Variants in GRM8 observed in about 807,000 individuals in gnomAD.
The protein encoded by GRM8 is glutamate metabotropic receptor 8.
A neutral mutation model predicts 87.2 loss-of-function variants in GRM8; 47 were observed. That is an observed-to-expected ratio of 0.54 (90% CI 0.43 to 0.69). GRM8 has a LOEUF of 0.69. Among genes scored for constraint, GRM8 ranks in the 30% least tolerant of loss-of-function variants. GRM8 has a pLI of 0.00. For missense variants in GRM8, 1,019 were observed against 1,139.2 expected (o/e 0.89, Z 1.52); for synonymous variants, 396 against 404.5 (o/e 0.98, Z 0.25).
At chr7:126,801,539 A>AT (rs1822691671) in intron 6 of GRM8, among the ~76,000 whole-genome samples, 1 of 59,368 alleles carries the variant, frequency 1.7e-5, no homozygotes, top group African/African-American at 4.6e-5. Flanking sequence ...GGGCACCAAA[A>AT]TAGTATTACT....
intron 8 of GRM8, among the ~76,000 whole-genome samples, chr7:126,553,336 T>C (rs948017147): frequency 5.3e-5 from 8 of 152,206 alleles, no homozygotes; most frequent in African/African-American, 1.9e-4. Context: ...ATAATTTCAT[T>C]ACCATGTAAC....
intron 2 of GRM8, among the ~76,000 whole-genome samples, chr7:127,231,293 G>A (rs2116808355): frequency 6.6e-6 from 1 of 152,228 alleles, no homozygotes; most frequent in East Asian, 1.9e-4. Context: ...AGCTATACCA[G>A]GCACTGTTCA....
At chr7:126,894,366 A>C (rs1441026562) in intron 6 of GRM8, among the ~76,000 whole-genome samples, 4 of 152,030 alleles carry the variant, frequency 2.6e-5, no homozygotes, top group Non-Finnish European at 5.9e-5. Flanking sequence ...CTTCAGTGTA[A>C]TATTCCAGAG....
intron 7 of GRM8, among the ~76,000 whole-genome samples, chr7:126,636,767 A>G (rs1008290576): frequency 5.3e-5 from 8 of 152,068 alleles, no homozygotes; most frequent in Non-Finnish European, 1.2e-4. Context: ...CAAACACAAA[A>G]TAGGAATTTT....
At chr7:126,741,321 T>C (rs1169355215) in intron 7 of GRM8, among the ~76,000 whole-genome samples, 1 of 152,072 alleles carries the variant, frequency 6.6e-6, no homozygotes, top group Non-Finnish European at 1.5e-5. Context: ...CTTGCTTACC[T>C]GCAGAAAACC....
intron 7 of GRM8, among the ~76,000 whole-genome samples, chr7:126,615,799 G>A (rs1799426587): frequency 6.6e-6 from 1 of 152,120 alleles, no homozygotes; most frequent in African/African-American, 2.4e-5. Context: ...TAATGGTAAA[G>A]GGATCAATTC....
At chr7:126,974,750 G>A (rs1308746240) in intron 3 of GRM8, among the ~76,000 whole-genome samples, 2 of 151,896 alleles carry the variant, frequency 1.3e-5, no homozygotes, top group Non-Finnish European at 2.9e-5. Flanking sequence ...TGGCTAACAC[G>A]GTGAAATCCT....
intron 7 of GRM8, among the ~76,000 whole-genome samples, chr7:126,658,708 T>C (rs879809916): frequency 3.3e-5 from 5 of 151,460 alleles, no homozygotes; most frequent in Admixed American, 2.6e-4. Flanking sequence ...TCTAAGGAAC[T>C]GGAATGGAGG....
intron 9 of GRM8, among the ~76,000 whole-genome samples, chr7:126,518,207 T>TA: frequency 6.6e-6 from 1 of 152,112 alleles, no homozygotes; most frequent in Non-Finnish European, 1.5e-5. Context: ...TGAAGCGAAA[T>TA]AAAAAATGAG....
In GRM8 at chr7:126,556,337, T is replaced by TAAA. The variant is rs3038820; in HGVS notation, c.1495-22453_1495-22451dup. Among the ~76,000 whole-genome samples, 490 of 111,292 alleles carry TAAA rather than the reference T, an allele frequency of 4.4e-3. 4 individuals carry two copies. Among genetic ancestry groups the TAAA allele is most frequent in the East Asian group, 0.011 (38 of 3,604 alleles). The allele number at this position is 111,292 out of a possible 152,430, so 73.0% of individuals were successfully genotyped here. A position where few individuals can be genotyped will look rare whatever the true frequency, so the allele number is the denominator to read the frequency against. On this transcript the variant is annotated intron_variant, in intron 8 of 10. Coordinates refer to ENST00000339582, the MANE Select transcript of GRM8 (RefSeq NM_000845.3). ...ACAATGGAGAAGCAGTTCTCCTCTT[T>TAAA]AAAAAAAAAAAAAAAAAAAAAAAAG...
chr7:126,536,869 CA>C (rs201365997), intron 8 of GRM8, among the ~76,000 whole-genome samples: 1 of 150,534 alleles, frequency 6.6e-6, no homozygotes. Flanking sequence ...TGAAAAACAG[CA>C]AAAAAAAATT....
At chr7:127,014,996 A>T (rs1192950852) in intron 3 of GRM8, among the ~76,000 whole-genome samples, 1 of 123,776 alleles carries the variant, frequency 8.1e-6, no homozygotes. Flanking sequence ...AGGAAGAAGA[A>T]GAAGAAAGAA....
At chr7:126,712,893 G>A (rs1012162438) in intron 7 of GRM8, among the ~76,000 whole-genome samples, 3 of 152,124 alleles carry the variant, frequency 2.0e-5, no homozygotes, top group Admixed American at 6.5e-5. Flanking sequence ...AAACCACAAC[G>A]AGACACCATC....
intron 2 of GRM8, among the ~76,000 whole-genome samples, chr7:127,191,692 C>A (rs542820034): frequency 6.6e-6 from 1 of 152,262 alleles, no homozygotes; most frequent in Admixed American, 6.5e-5. Context: ...TGTGTACTAC[C>A]AGCCTATTTT....
At chr7:126,956,873 T>C (rs1808739665) in intron 3 of GRM8, among the ~76,000 whole-genome samples, 1 of 152,220 alleles carries the variant, frequency 6.6e-6, no homozygotes, top group Non-Finnish European at 1.5e-5. Context: ...CTTCTGATAA[T>C]GGAACATTTC....
intron 8 of GRM8, among the ~76,000 whole-genome samples, chr7:126,567,554 T>TA (rs1794336034): frequency 6.6e-6 from 1 of 152,146 alleles, no homozygotes; most frequent in African/African-American, 2.4e-5. Context: ...ACTTAAATAA[T>TA]AAAAAATTTG....
intron 6 of GRM8, among the ~76,000 whole-genome samples, chr7:126,874,869 A>T (rs1284875875): frequency 6.6e-6 from 1 of 152,200 alleles, no homozygotes; most frequent in Non-Finnish European, 1.5e-5. Flanking sequence ...TCAATGTATT[A>T]AAATGTGTAA....
At chr7:126,978,970 G>T (rs1376351583) in intron 3 of GRM8, among the ~76,000 whole-genome samples, 2 of 152,144 alleles carry the variant, frequency 1.3e-5, no homozygotes, top group African/African-American at 4.8e-5. Flanking sequence ...TTTGCACACA[G>T]CACACTTTAT....
intron 6 of GRM8, among the ~76,000 whole-genome samples, chr7:126,846,820 T>C (rs1045720663): frequency 6.6e-6 from 1 of 152,164 alleles, no homozygotes; most frequent in Non-Finnish European, 1.5e-5. Flanking sequence ...GAGAGCTTTA[T>C]CAATTATTGA....
Sources: allele counts gnomAD v4.1 joint callset (sites outside exome capture counted in the v4.1 genomes callset), GRCh38; gene constraint gnomAD v4.1.1; transcripts MANE v1.5; gene names NCBI Gene and HGNC (gene_info 2026-07-23, HGNC 2026-07-21).